Variants in HECTD4 observed in about 807,000 individuals in gnomAD.
HECTD4 encodes the protein probable E3 ubiquitin-protein ligase HECTD4.
HECTD4 carries 114 observed loss-of-function variants against 471.5 expected under a neutral mutation model. The observed-to-expected ratio is 0.24, with a 90% CI of 0.21 to 0.28. HECTD4 has a LOEUF of 0.28. HECTD4 is among the 10% of genes least tolerant of loss of function. HECTD4 has a pLI of 1.00. For synonymous variants in HECTD4, 2,012 were observed against 2,256.0 expected, an observed-to-expected ratio of 0.89 and a Z score of 3.07; for missense variants, 3,866 against 5,651.5, an observed-to-expected ratio of 0.68 and a Z score of 10.13.
intron 2 of HECTD4, among the ~76,000 whole-genome samples, chr12:112,318,189 C>A (rs555597657): frequency 6.6e-6 from 1 of 151,160 alleles, no homozygotes; most frequent in African/African-American, 2.4e-5. Flanking sequence ...CACTTGAATC[C>A]GGGAGGTGGA....
At chr12:112,249,890 A>G (rs1327005728) in intron 25 of HECTD4, 5 of 492,010 alleles carry the variant, frequency 1.0e-5, no homozygotes, top group Non-Finnish European at 1.8e-5. Flanking sequence ...CTGATTCAAT[A>G]GGTGCAAAAT....
chr12:112,352,875 G>A (rs944976976), intron 1 of HECTD4, among the ~76,000 whole-genome samples: 2 of 152,152 alleles, frequency 1.3e-5, no homozygotes, highest in Non-Finnish European at 2.9e-5. Context: ...CCAAAGTGCT[G>A]GGGTTGCAGG....
Position 112,235,626 on chromosome 12 carries a change from A to G in HECTD4, c.5603T>C (p.Val1868Ala), listed in dbSNP as rs1374564078. The G allele has an allele frequency of 1.2e-6, 2 of 1,614,030 alleles. No individual in the cohort carries two copies. Among genetic ancestry groups the G allele is most frequent in the Admixed American group, 3.3e-5 (2 of 60,030 alleles). The change falls in exon 36 of 76, where the codon GTG becomes GCG. Residue 1868 changes from valine to alanine, a missense_variant. Physicochemically the swap from Val to Ala is moderately conservative, Grantham distance 64. Coordinates refer to ENST00000682272, the MANE Select transcript of HECTD4 (RefSeq NM_001388303.1). The surrounding 1 kb of genome is among the most constrained non-coding windows in gnomAD (Gnocchi z 5.0). ...AGAGTAGCTCCAGGGTGGGAGCTCCACGTTTCCACAGTCTTCTACGCTCAT... is the reference window on the plus strand; with the variant it reads ...AGAGTAGCTCCAGGGTGGGAGCTCCGCGTTTCCACAGTCTTCTACGCTCAT... ...PLMSVEDCGN[V>A]ELPPWSYSVP... is the part of the protein sequence containing the mutation.
intron 13 of HECTD4, among the ~76,000 whole-genome samples, chr12:112,267,742 G>A (rs1158020446): frequency 6.6e-6 from 1 of 152,182 alleles, no homozygotes; most frequent in Non-Finnish European, 1.5e-5. Context: ...CGAAGAGAAG[G>A]GAAGAACAAT....
intron 68 of HECTD4, 96 bp downstream of exon 68, chr12:112,171,021 G>A (rs762325965): frequency 1.4e-5 from 15 of 1,064,316 alleles, no homozygotes; most frequent in African/African-American, 4.8e-5. Flanking sequence ...TCTTCCTGGC[G>A]GGGCTGCCCA....
Position 112,314,613 on chromosome 12 carries a change from C to T in HECTD4, c.696-67G>A, listed in dbSNP as rs554992878. 3.8e-5 allele frequency: 33 copies of T among 878,376 alleles called. No individual in the cohort carries two copies. In the African/African-American group the frequency reaches 4.8e-4, roughly 13 times the overall value. 54.4% of individuals were successfully genotyped at this position (878,376 alleles called of 1,614,324 possible). On this transcript the variant is annotated intron_variant, in intron 2 of 75. Coordinates refer to ENST00000682272, the MANE Select transcript of HECTD4 (RefSeq NM_001388303.1). ...AATCAAATAATTTAGGTCATTAATGCTAATTTAATTAACCACATGGAAAAG... is the reference window on the plus strand; with the variant it reads ...AATCAAATAATTTAGGTCATTAATGTTAATTTAATTAACCACATGGAAAAG...
At chr12:112,165,903 A>C (rs974328772) in intron 72 of HECTD4, among the ~76,000 whole-genome samples, 1 of 152,188 alleles carries the variant, frequency 6.6e-6, no homozygotes, top group Non-Finnish European at 1.5e-5. Context: ...AGGTGGATGG[A>C]CATTCGGGTC....
chr12:112,180,958 T>C (rs1038391612), intron 62 of HECTD4, among the ~76,000 whole-genome samples: 2 of 151,140 alleles, frequency 1.3e-5, no homozygotes, highest in Non-Finnish European at 2.9e-5. Flanking sequence ...TTAGTAGCAC[T>C]TGTCAGCTAA....
intron 66 of HECTD4, 25 bp downstream of exon 66, chr12:112,175,711 C>T: frequency 6.2e-7 from 1 of 1,607,446 alleles, no homozygotes; most frequent in Non-Finnish European, 8.5e-7. Context: ...AAGGTGCCAA[C>T]TGAGTCGAGG....
chr12:112,308,978 G>A (rs1009108147), intron 5 of HECTD4, 87 bp from the exon 6 acceptor site: 4 of 1,356,032 alleles, frequency 2.9e-6, no homozygotes, highest in South Asian at 1.5e-5. Context: ...CAACATTTTC[G>A]ACCTAATTTT....
At position 112,240,807 on chromosome 12, in the gene HECTD4, T is replaced by C. The variant is rs565439454; in HGVS notation, c.4959-780A>G. On this transcript the variant is annotated intron_variant, in intron 32 of 75. Transcript: ENST00000682272. ...TCAAATGGATTAGCTAAGTGTCTGT[T>C]TTTGAGTTCACACTTCAGTTATTAG... is the stretch of plus-strand genomic sequence containing the variant. 1.2e-4 allele frequency among the ~76,000 whole-genome samples: 18 copies of C among 152,312 alleles called. No homozygotes were observed. The South Asian group carries it at 3.7e-3, about 32-fold the overall frequency.
chr12:112,180,073 C>T (rs1035819119), intron 62 of HECTD4, among the ~76,000 whole-genome samples: 2 of 152,226 alleles, frequency 1.3e-5, no homozygotes, highest in African/African-American at 2.4e-5. Context: ...AGGAATCACT[C>T]CGTTCTCCCA....
At chr12:112,274,004 G>A (rs1321812597) in intron 10 of HECTD4, among the ~76,000 whole-genome samples, 1 of 152,256 alleles carries the variant, frequency 6.6e-6, no homozygotes, top group East Asian at 1.9e-4. Flanking sequence ...TAACTCCTGT[G>A]TGAGGAGTAA....
rs377376220 is a variant in HECTD4 at position 112,330,444 on chromosome 12, C to G, written c.178-10702G>C. Among the ~76,000 whole-genome samples the G allele has an allele frequency of 1.6e-4, 25 of 152,238 alleles. No individual in the cohort carries two copies. In the East Asian group the frequency reaches 4.8e-3, roughly 29 times the overall value. On this transcript the variant is annotated intron_variant, in intron 1 of 75. Transcript: ENST00000682272. The stretch of plus-strand genomic sequence containing the variant: ...TACATACTTAAAGACTAATATAGTG[C>G]AACATATTCACCAAATGCTTGGCAT...
intron 10 of HECTD4, among the ~76,000 whole-genome samples, 185 bp downstream of exon 10, chr12:112,274,662 G>A (rs973009907): frequency 1.3e-5 from 2 of 152,212 alleles, no homozygotes; most frequent in Non-Finnish European, 2.9e-5. Context: ...AGCCAAGATC[G>A]TAACACTTCA....
chr12:112,181,004 G>A (rs2031649973), intron 62 of HECTD4, among the ~76,000 whole-genome samples: 3 of 151,708 alleles, frequency 2.0e-5, no homozygotes, highest in Admixed American at 2.0e-4. Context: ...GCTCACGCTT[G>A]TAGTCCCAGC....
chr12:112,217,332 C>G (rs568790331), intron 45 of HECTD4, 137 bp from the exon 46 acceptor site: 4 of 477,420 alleles, frequency 8.4e-6, no homozygotes, highest in South Asian at 1.3e-4. Flanking sequence ...CACACACACA[C>G]ACATACACAC....
chr12:112,186,413 C>T (rs538234939), intron 60 of HECTD4, among the ~76,000 whole-genome samples: 1 of 147,470 alleles, frequency 6.8e-6, no homozygotes, highest in Admixed American at 6.8e-5. Flanking sequence ...TCTCAGCTCA[C>T]TGCAACCTCT....
chr12:112,281,182 C>A (rs568096322), intron 8 of HECTD4, among the ~76,000 whole-genome samples: 1 of 151,852 alleles, frequency 6.6e-6, no homozygotes, highest in Non-Finnish European at 1.5e-5. Context: ...AGCAACATCA[C>A]GTTAAAGAAT....
Sources: gnomAD v4.1 joint callset for allele counts (sites outside exome capture counted in the v4.1 genomes callset) on GRCh38, gnomAD v4.1.1 for gene constraint, Gnocchi (gnomAD v3.1) non-coding constraint, MANE v1.5 for transcripts, NCBI Gene and HGNC (gene_info 2026-07-23, HGNC 2026-07-21) for gene names.